The following FAM161B variants were observed in gnomAD, a reference collection of about 807,000 sequenced individuals.
FAM161B encodes the protein protein FAM161B.
A neutral mutation model predicts 61.5 loss-of-function variants in FAM161B; 46 were observed. The ratio of observed to expected loss-of-function variants is 0.75; its 90% CI spans 0.59 to 0.96. The LOEUF (loss-of-function observed/expected upper bound fraction) is 0.96, where lower values mean the gene tolerates loss of function less well. Among genes scored for constraint, FAM161B ranks in the 40% least tolerant of loss-of-function variants. FAM161B has a pLI of 0.00. For synonymous variants in FAM161B, 284 were observed against 302.7 expected (o/e 0.94, Z 0.64); for missense variants, 774 against 800.7 (o/e 0.97, Z 0.40).
chr14:73,931,287 G>T (rs1594772702), downstream of FAM161B, among the ~76,000 whole-genome samples: 1 of 152,198 alleles, frequency 6.6e-6, no homozygotes, highest in African/African-American at 2.4e-5. Flanking sequence ...TTGATTGCCA[G>T]AGTTAAAATG....
chr14:73,949,704 TC>T (rs1200016342), intron 1 of FAM161B, among the ~76,000 whole-genome samples: 1 of 55,794 alleles, frequency 1.8e-5, no homozygotes, highest in Non-Finnish European at 5.4e-5. Flanking sequence ...CTCAGTTTTC[TC>T]TTCTACAAAA....
intron 2 of FAM161B, among the ~76,000 whole-genome samples, chr14:73,945,655 T>C (rs1416666359): frequency 6.6e-6 from 1 of 152,070 alleles, no homozygotes; most frequent in Non-Finnish European, 1.5e-5. Context: ...GGTCTTGAAC[T>C]CCTGACCTCA....
intron 5 of FAM161B, 117 bp downstream of exon 5, chr14:73,940,809 T>C: frequency 7.1e-7 from 1 of 1,416,740 alleles, no homozygotes; most frequent in Non-Finnish European, 9.4e-7. Flanking sequence ...GATCAGAAAA[T>C]TCCCTTTGAC....
At chr14:73,931,387 T>C, downstream of FAM161B, 1 of 852,174 alleles carries the variant, frequency 1.2e-6, no homozygotes, top group Non-Finnish European at 1.8e-6. Context: ...GTAGATAGCC[T>C]TCATTCACCC....
chr14:73,923,546 T>C, the FAM161B span: 1 of 1,601,676 alleles, frequency 6.2e-7, no homozygotes, highest in Non-Finnish European at 8.5e-7. Flanking sequence ...TTGCCCTTTG[T>C]TTCTGTGACA....
chr14:73,923,406 G>A, the FAM161B span: 1 of 1,613,136 alleles, frequency 6.2e-7, no homozygotes, highest in Non-Finnish European at 8.5e-7. Flanking sequence ...GGTGCTTGCT[G>A]AAGGATCCCC....
At position 73,933,095 on chromosome 14, in the gene FAM161B, ATT is replaced by A. The variant is rs1218217792; in HGVS notation, c.*1159_*1160del. 2 of 152,628 alleles carry A rather than the reference ATT, an allele frequency of 1.3e-5. No individual in the cohort carries two copies. The highest frequency in any genetic ancestry group is 2.9e-5 in the Non-Finnish European group (2 of 68,378). 9.5% of individuals were successfully genotyped at this position (152,628 alleles called of 1,614,324 possible). On this transcript the variant is annotated 3_prime_UTR_variant, in exon 9 of 9. Transcript: ENST00000286544. ...GGGAGAGAATTGTTTTAAATTCTTA[ATT>A]TGTTAATGACATGCATAATCACATA...
chr14:73,935,909 A>AT, intron 8 of FAM161B, 40 bp downstream of exon 8: 1 of 1,587,078 alleles, frequency 6.3e-7, no homozygotes, highest in Non-Finnish European at 8.6e-7. Context: ...GGGTATGACA[A>AT]TTTAGAGAGC....
In FAM161B at chr14:73,942,370, T is replaced by C. The variant is rs756071785; in HGVS notation, c.1271A>G (p.Gln424Arg). The C allele has an allele frequency of 6.2e-7, 1 of 1,613,434 alleles. No homozygotes were observed. The highest frequency in any genetic ancestry group is 1.7e-5 in the Admixed American group (1 of 59,976). Reference protein sequence around the residue: ...PCDAATTGRRQDSPQPPATPL... With the variant: ...PCDAATTGRRRDSPQPPATPL... ...TCCCACAGCTGCCTGGGCTCTCACC[T>C]GCCTCCTTCCGGTGGTGGCAGCATC... Residue 424 changes from glutamine to arginine, a missense_variant and splice_region_variant, in exon 4 of 9, where the codon CAG (glutamine) becomes CGG (arginine). Coordinates refer to ENST00000286544, the MANE Select transcript of FAM161B (RefSeq NM_152445.3).
the FAM161B span, among the ~76,000 whole-genome samples, chr14:73,926,228 T>G: frequency 6.6e-6 from 1 of 152,328 alleles, no homozygotes; most frequent in East Asian, 1.9e-4. Context: ...CAAACAAAGA[T>G]AACAATAATT....
At chr14:73,946,727 C>T in intron 1 of FAM161B, 122 bp from the exon 2 acceptor site, 1 of 963,886 alleles carries the variant, frequency 1.0e-6, no homozygotes, top group Non-Finnish European at 1.5e-6. Flanking sequence ...TTGGGGTCTG[C>T]CAGATGCACT....
chr14:73,949,481 G>A (rs2056106172), intron 1 of FAM161B, among the ~76,000 whole-genome samples: 1 of 151,160 alleles, frequency 6.6e-6, no homozygotes, highest in East Asian at 2.0e-4. Context: ...GCCTCCCAAA[G>A]TGCTGGGATT....
At chr14:73,934,484 A>ACTGCAG in intron 8 of FAM161B, 90 bp from the exon 9 acceptor site, 1 of 1,293,698 alleles carries the variant, frequency 7.7e-7, no homozygotes, top group Non-Finnish European at 1.0e-6. Flanking sequence ...CAGTGGCATG[A>ACTGCAG]TCTCAGCTCA....
intron 1 of FAM161B, among the ~76,000 whole-genome samples, chr14:73,948,666 A>G (rs2056090666): frequency 6.6e-6 from 1 of 152,248 alleles, no homozygotes; most frequent in African/African-American, 2.4e-5. Context: ...GTATATACAC[A>G]GAGTTGTGCA....
intron 2 of FAM161B, among the ~76,000 whole-genome samples, chr14:73,945,797 A>G (rs1251765132): frequency 6.6e-6 from 1 of 151,700 alleles, no homozygotes; most frequent in Non-Finnish European, 1.5e-5. Flanking sequence ...GCTGGAGTGC[A>G]GTGGCGTGAT....
chr14:73,926,565 G>T (rs976890591), downstream of FAM161B, among the ~76,000 whole-genome samples: 1 of 151,906 alleles, frequency 6.6e-6, no homozygotes, highest in African/African-American at 2.4e-5. Flanking sequence ...CTCCCAATTA[G>T]CTGGGATTAC....
intron 3 of FAM161B, among the ~76,000 whole-genome samples, chr14:73,944,009 G>A (rs945270417): frequency 6.6e-5 from 10 of 152,160 alleles, no homozygotes; most frequent in African/African-American, 1.2e-4. Flanking sequence ...GTGGTGGCAT[G>A]AGCCCAAGCT....
At chr14:73,943,611 G>A (rs909244365) in intron 3 of FAM161B, among the ~76,000 whole-genome samples, 7 of 151,620 alleles carry the variant, frequency 4.6e-5, no homozygotes, top group East Asian at 1.9e-4. Flanking sequence ...CTCCCTCTTC[G>A]CCCCTCCTTC....
At chr14:73,935,340 A>T (rs4903155) in intron 8 of FAM161B, among the ~76,000 whole-genome samples, 17,157 of 152,098 alleles carry the variant, frequency 0.11, 1,265 homozygotes, top group Admixed American at 0.19. Context: ...ATCCTGGCTA[A>T]CATGGTGAAA....
Sources: gnomAD v4.1 joint callset for allele counts (sites outside exome capture counted in the v4.1 genomes callset) on GRCh38, gnomAD v4.1.1 for gene constraint, MANE v1.5 for transcripts, NCBI Gene and HGNC (gene_info 2026-07-23, HGNC 2026-07-21) for gene names.